AOPEP: variants seen among roughly 807,000 people sequenced by gnomAD.
AOPEP encodes the protein aminopeptidase O.
Under a neutral mutation model 98.1 loss-of-function variants are expected in AOPEP, and 77 were observed. The observed-to-expected ratio is 0.78, with a 90% confidence interval of 0.65 to 0.95. The LOEUF is 0.95. AOPEP is among the 40% of genes least tolerant of loss of function. The pLI is 0.00. For synonymous variants in AOPEP, 346 were observed against 365.3 expected (o/e 0.95, Z 0.60); for missense variants, 1,024 against 1,024.7 (o/e 1.00, Z 0.01).
chr9:95,006,316 T>G (rs1057411838), intron 13 of AOPEP: 12 of 319,050 alleles, frequency 3.8e-5, no homozygotes, highest in African/African-American at 2.4e-4. Context: ...TTGCTTTTGC[T>G]TAATTACATT....
At chr9:94,748,148 CT>C (rs1834936673) in intron 1 of AOPEP, among the ~76,000 whole-genome samples, 1 of 152,150 alleles carries the variant, frequency 6.6e-6, no homozygotes, top group African/African-American at 2.4e-5. Context: ...CCTGCCCATT[CT>C]TTCTGCACCT....
At chr9:94,858,192 A>C (rs2044476144) in intron 5 of AOPEP, among the ~76,000 whole-genome samples, 1 of 152,096 alleles carries the variant, frequency 6.6e-6, no homozygotes, top group Admixed American at 6.5e-5. Context: ...GGGTATGTAT[A>C]GTGGAAATGG....
chr9:95,106,580 G>A, the AOPEP span, among the ~76,000 whole-genome samples: 3 of 152,096 alleles, frequency 2.0e-5, no homozygotes. Context: ...GACTTGGACC[G>A]TTTTTTACCC....
chr9:95,041,696 C>T (rs568636761), intron 13 of AOPEP, among the ~76,000 whole-genome samples: 33 of 152,136 alleles, frequency 2.2e-4, no homozygotes, highest in Non-Finnish European at 3.8e-4. Flanking sequence ...TAACTGGAAT[C>T]GCTCTTAGAT....
chr9:94,928,471 T>G lies in AOPEP; in HGVS notation c.1601T>G (p.Leu534Arg). ...GAGCAGCAGGAGCTGAGGGCTTGTC[T>G]GCGCTGGCGTCGCCTCCAGGACGAG... ...AREQQELRAC[L>R]RWRRLQDEMQ... is the part of the protein sequence containing the mutation. The change falls in exon 7 of 17, where the codon CTG becomes CGG. Residue 534 changes from leucine (L) to arginine (R), a missense_variant. This residue lies in a region of AOPEP where 566 missense variants were observed against 551.7 expected (regional missense o/e 1.03). Transcript: ENST00000375315. 1 of 1,550,266 alleles carries G rather than the reference T, an allele frequency of 6.5e-7. No homozygotes were observed. The highest frequency in any genetic ancestry group is 8.7e-7 in the Non-Finnish European group (1 of 1,147,000).
At chr9:95,042,329 TAAATAAA>T (rs2065401516) in intron 13 of AOPEP, among the ~76,000 whole-genome samples, 3 of 150,796 alleles carry the variant, frequency 2.0e-5, no homozygotes, top group Non-Finnish European at 1.5e-5. Flanking sequence ...AATAAATAAA[TAAATAAA>T]TAAATACATA....
intron 2 of AOPEP, among the ~76,000 whole-genome samples, chr9:94,762,956 G>C (rs111894478): frequency 6.6e-6 from 1 of 152,148 alleles, no homozygotes; most frequent in African/African-American, 2.4e-5. Flanking sequence ...TTACAGTTGC[G>C]TGAAAAACAT....
chr9:94,809,413 C>A (rs1054784391), intron 5 of AOPEP, among the ~76,000 whole-genome samples: 1 of 152,176 alleles, frequency 6.6e-6, no homozygotes, highest in Non-Finnish European at 1.5e-5. Flanking sequence ...TTTCATGGAA[C>A]CACTGTGGTT....
At position 94,899,179 on chromosome 9, in the gene AOPEP, CTTTTTTTTTTT is replaced by C. The variant is rs1164742981; in HGVS notation, c.1365-24794_1365-24784del. ...GGAAGATAATTTGCCTCTTCATTTGCTTTTTTTTTTTTTTTTTTTTTTTGAGAGGGAGTCTT... is the reference window on the plus strand; with the variant it reads ...GGAAGATAATTTGCCTCTTCATTTGCTTTTTTTTTTTTGAGAGGGAGTCTT... On this transcript the variant is annotated intron_variant, in intron 5 of 16. Coordinates refer to ENST00000375315, the MANE Select transcript of AOPEP (RefSeq NM_001193329.3). Among the ~76,000 whole-genome samples, 22 of 59,732 alleles carry C rather than the reference CTTTTTTTTTTT, an allele frequency of 3.7e-4. No individual in the cohort carries two copies. The Admixed American group carries it at 5.6e-3, about 15-fold the overall frequency. The allele number at this position is 59,732 out of a possible 152,430, so 39.2% of individuals were successfully genotyped here.
rs1243363031 is a variant in AOPEP, at chr9:94,741,373, C to T, written c.-136+14622C>T. On this transcript the variant is annotated intron_variant, in intron 1 of 16. Coordinates refer to ENST00000375315, the MANE Select transcript of AOPEP (RefSeq NM_001193329.3). ...CTGCAAGCTCCGCCTCCCAGGTTCA[C>T]GCCATTCTTCTGCTTCAGCCCCCCG... Among the ~76,000 whole-genome samples the T allele has an allele frequency of 2.0e-5, 3 of 151,908 alleles. No individual in the cohort carries two copies. In the East Asian group the frequency reaches 5.8e-4, roughly 29 times the overall value.
chr9:94,754,903 C>T (rs1444234797), intron 1 of AOPEP, among the ~76,000 whole-genome samples: 5 of 152,138 alleles, frequency 3.3e-5, no homozygotes, highest in African/African-American at 4.8e-5. Context: ...TGGGTGCATT[C>T]CACTTTGGAT....
At chr9:94,745,730 C>T (rs1257346752) in intron 1 of AOPEP, among the ~76,000 whole-genome samples, 1 of 152,138 alleles carries the variant, frequency 6.6e-6, no homozygotes, top group East Asian at 1.9e-4. Flanking sequence ...TAGTACTCTA[C>T]TGTGTATATG....
At position 94,933,307 on chromosome 9, in the gene AOPEP, A is replaced by C. The variant is rs1212736918; in HGVS notation, c.1661+4776A>C. On this transcript the variant is annotated intron_variant, in intron 7 of 16. Coordinates refer to ENST00000375315, the MANE Select transcript of AOPEP (RefSeq NM_001193329.3). ...CTGCCTAAGTGCTTTCAGTTAGCAC[A>C]CTCTGACAGGCCCCAGGGATGGAAG... is the stretch of plus-strand genomic sequence containing the variant. The C allele has an allele frequency of 3.0e-6, 3 of 985,358 alleles. No individual in the cohort carries two copies. In the Admixed American group the frequency reaches 1.8e-4, roughly 61 times the overall value. The allele number at this position is 985,358 out of a possible 1,614,324, so 61.0% of individuals were successfully genotyped here. A position where few individuals can be genotyped will look rare whatever the true frequency, so the allele number is the denominator to read the frequency against.
intron 13 of AOPEP, among the ~76,000 whole-genome samples, chr9:95,050,008 G>A (rs1485042263): frequency 2.0e-5 from 3 of 152,192 alleles, no homozygotes; most frequent in Non-Finnish European, 4.4e-5. Context: ...GGAACTCACA[G>A]TAGAACTAAG....
chr9:95,011,781 C>T (rs2062544021), intron 13 of AOPEP, among the ~76,000 whole-genome samples: 2 of 152,018 alleles, frequency 1.3e-5, no homozygotes, highest in Non-Finnish European at 2.9e-5. Context: ...CACTACACAC[C>T]AGCCTGGGTG....
At chr9:94,932,321 C>G in intron 7 of AOPEP, 1 of 973,326 alleles carries the variant, frequency 1.0e-6, no homozygotes. Flanking sequence ...GTTATAGATA[C>G]TGGAGTATTA....
chr9:95,145,143 G>T, the AOPEP span: 1 of 152,066 alleles, frequency 6.6e-6, no homozygotes, highest in African/African-American at 2.4e-5. Flanking sequence ...TAATTTTTAA[G>T]AGTTATAGAT....
At chr9:95,098,605 G>A in the AOPEP span, among the ~76,000 whole-genome samples, 10 of 152,270 alleles carry the variant, frequency 6.6e-5, no homozygotes, top group East Asian at 1.9e-4. Flanking sequence ...GGCGCTGCTC[G>A]CCTTGGCCGC....
At chr9:94,922,366 A>G (rs1588900579) in intron 5 of AOPEP, among the ~76,000 whole-genome samples, 1 of 152,084 alleles carries the variant, frequency 6.6e-6, no homozygotes, top group African/African-American at 2.4e-5. Context: ...CTGGCTGCAG[A>G]CCCTGCCCAC....
Sources: allele counts gnomAD v4.1 joint callset (sites outside exome capture counted in the v4.1 genomes callset), GRCh38; gene constraint gnomAD v4.1.1; regional missense constraint gnomAD v4.1.1; transcripts MANE v1.5; gene names NCBI Gene and HGNC (gene_info 2026-07-23, HGNC 2026-07-21).